FLRT2: variants seen among roughly 807,000 people sequenced by gnomAD.
FLRT2 encodes leucine-rich repeat transmembrane protein FLRT2.
FLRT2 carries 15 observed loss-of-function variants against 40.0 expected under a neutral mutation model. The ratio of observed to expected loss-of-function variants is 0.38; its 90% CI spans 0.25 to 0.58. FLRT2 has a LOEUF of 0.58. FLRT2 is among the 20% of genes least tolerant of loss of function. The pLI, the probability that FLRT2 is intolerant of heterozygous loss-of-function variation, is 0.71. For missense variants in FLRT2, 726 were observed against 840.0 expected, an observed-to-expected ratio of 0.86 and a Z score of 1.68; for synonymous variants, 380 against 336.8, an observed-to-expected ratio of 1.13 and a Z score of -1.41.
Position 85,652,533 on chromosome 14 carries a change from T to A in FLRT2, c.*29036T>A, listed in dbSNP as rs570079535. 16 of 152,218 alleles carry A rather than the reference T, an allele frequency of 1.1e-4. No individual in the cohort carries two copies. The highest frequency in any genetic ancestry group is 3.6e-4 in the African/African-American group (15 of 41,558). 9.4% of individuals were successfully genotyped at this position (152,218 alleles called of 1,614,324 possible). On this transcript the variant is annotated 3_prime_UTR_variant, in exon 2 of 2. Coordinates refer to ENST00000330753, the MANE Select transcript of FLRT2 (RefSeq NM_013231.6). ...TCTGATTAAACAAACAAAAAACCCATCTTTATTTTTAGACTAAAAGCCTTT... is the reference window on the plus strand; with the variant it reads ...TCTGATTAAACAAACAAAAAACCCAACTTTATTTTTAGACTAAAAGCCTTT...
At chr14:85,595,927 G>A (rs561910420) in intron 1 of FLRT2, among the ~76,000 whole-genome samples, 269 of 152,264 alleles carry the variant, frequency 1.8e-3, no homozygotes, top group African/African-American at 6.1e-3. Flanking sequence ...AGAAGTGATC[G>A]TGTTTCTTTG....
intron 1 of FLRT2, among the ~76,000 whole-genome samples, chr14:85,573,444 A>G (rs1198090337): frequency 6.6e-6 from 1 of 152,178 alleles, no homozygotes; most frequent in Admixed American, 6.5e-5. Flanking sequence ...GATAAAATGA[A>G]GAAGCAGTTT....
At position 85,651,105 on chromosome 14, in the gene FLRT2, A is replaced by G. The variant is rs1031533755; in HGVS notation, c.*27608A>G. On this transcript the variant is annotated 3_prime_UTR_variant, in exon 2 of 2. Transcript: ENST00000330753. ...TATATGTAATTTTAAGTTAATATTC[A>G]GCTTTAAACTTTTCTAATTCAATTA... 1 of 152,148 alleles carries G rather than the reference A, an allele frequency of 6.6e-6. No individual in the cohort carries two copies. The highest frequency in any genetic ancestry group is 6.6e-5 in the Admixed American group (1 of 15,252). 9.4% of individuals were successfully genotyped at this position (152,148 alleles called of 1,614,324 possible).
rs115008745 is a variant in FLRT2, at chr14:85,539,511, T to C, written c.-377+8977T>C. On this transcript the variant is annotated intron_variant, in intron 1 of 1. Coordinates refer to ENST00000330753, the MANE Select transcript of FLRT2 (RefSeq NM_013231.6). ...TATGATGTACGTATTTGGCACTTTG[T>C]GGTGGGGAGTGAGAAATAAATGAGA... is the stretch of plus-strand genomic sequence containing the variant. 2.5e-3 allele frequency among the ~76,000 whole-genome samples: 383 copies of C among 152,232 alleles called. 1 individual carries two copies. Among genetic ancestry groups the C allele is most frequent in the African/African-American group, 8.9e-3 (371 of 41,550 alleles).
intron 1 of FLRT2, among the ~76,000 whole-genome samples, chr14:85,550,407 G>C (rs1021484116): frequency 2.6e-5 from 4 of 152,178 alleles, no homozygotes; most frequent in African/African-American, 9.6e-5. Flanking sequence ...GCAAAAAAAG[G>C]CAGATCAGGT....
chr14:85,581,366 T>C (rs1661366236), intron 1 of FLRT2, among the ~76,000 whole-genome samples: 1 of 152,210 alleles, frequency 6.6e-6, no homozygotes, highest in Admixed American at 6.5e-5. Flanking sequence ...GGATACCACT[T>C]ACCCCCAGAG....
Position 85,536,683 on chromosome 14 carries a change from G to T in FLRT2, c.-377+6149G>T, listed in dbSNP as rs183552777. Among the ~76,000 whole-genome samples, 209 of 151,626 alleles carry T rather than the reference G, an allele frequency of 1.4e-3. 1 individual carries two copies. Among genetic ancestry groups the T allele is most frequent in the African/African-American group, 4.6e-3 (188 of 41,312 alleles). On this transcript the variant is annotated intron_variant, in intron 1 of 1. Transcript: ENST00000330753. ...CATCAAAGTCTGAAGATGACGTCAG[G>T]GTGCTGGGGGTGAATCCCAACAGTT...
At chr14:85,531,059 C>A (rs1423898199) in intron 1 of FLRT2, 1 of 152,366 alleles carries the variant, frequency 6.6e-6, no homozygotes, top group Admixed American at 6.5e-5. Context: ...CCTTTTCCTT[C>A]CAGTTGGTGG....
chr14:85,554,540 G>C (rs984330941), intron 1 of FLRT2, among the ~76,000 whole-genome samples: 1 of 152,098 alleles, frequency 6.6e-6, no homozygotes, highest in Non-Finnish European at 1.5e-5. Flanking sequence ...TTCCTGAATC[G>C]AAACCTCACA....
chr14:85,558,448 G>A (rs1186310016), intron 1 of FLRT2, among the ~76,000 whole-genome samples: 2 of 152,126 alleles, frequency 1.3e-5, no homozygotes, highest in Non-Finnish European at 2.9e-5. Context: ...GAGAAGTAAA[G>A]GCATGTTCCT....
Position 85,588,751 on chromosome 14 carries a change from T to A in FLRT2, c.-376-32388T>A, listed in dbSNP as rs185312589. Among the ~76,000 whole-genome samples the A allele has an allele frequency of 4.4e-3, 672 of 152,256 alleles. 1 individual carries two copies. Among genetic ancestry groups the A allele is most frequent in the Non-Finnish European group, 7.8e-3 (533 of 68,022 alleles). On this transcript the variant is annotated intron_variant, in intron 1 of 1. Transcript: ENST00000330753. ...TTTCTACCCATTAACGATACTTACT[T>A]TTCCCCCACCCCAGCCCCTCAGTAC...
rs10141266 is a variant in FLRT2, at chr14:85,621,712, T to C, written c.198T>C (p.Thr66=). The C allele has an allele frequency of 1, 1,612,909 of 1,614,134 alleles. 805,857 individuals carry two copies. Among genetic ancestry groups the C allele is most frequent in the Non-Finnish European group, 1 (1,180,015 of 1,180,034 alleles). ...CTCTTGGGATCCCGGAGGGCGTAAC[T>C]GTACTCTACCTCCACAACAACCAAA... ...SVPLGIPEGV[T]VLYLHNNQIN... is the part of the protein sequence containing the mutation. The change falls in exon 2 of 2, where the codon ACT becomes ACC. Residue 66 remains threonine (T), a synonymous_variant. Transcript: ENST00000330753.
At chr14:85,616,049 T>C (rs1893116150) in intron 1 of FLRT2, among the ~76,000 whole-genome samples, 1 of 152,038 alleles carries the variant, frequency 6.6e-6, no homozygotes, top group Non-Finnish European at 1.5e-5. Flanking sequence ...ATGAAAAGAG[T>C]TAAATTACAA....
At chr14:85,574,415 T>C (rs1439410247) in intron 1 of FLRT2, among the ~76,000 whole-genome samples, 1 of 152,162 alleles carries the variant, frequency 6.6e-6, no homozygotes, top group Non-Finnish European at 1.5e-5. Context: ...CTTCATGCCA[T>C]AGAGCCAGGA....
chr14:85,563,807 CA>C (rs1196066668), intron 1 of FLRT2, among the ~76,000 whole-genome samples: 2 of 151,946 alleles, frequency 1.3e-5, no homozygotes, highest in African/African-American at 4.8e-5. Flanking sequence ...AACAGACAAA[CA>C]AAAAAATAGA....
At chr14:85,585,793 C>T (rs1196673405) in intron 1 of FLRT2, among the ~76,000 whole-genome samples, 1 of 152,024 alleles carries the variant, frequency 6.6e-6, no homozygotes, top group Non-Finnish European at 1.5e-5. Context: ...GCCCTTGCGG[C>T]ACCTGCCATG....
rs145007843 is a variant in FLRT2 at position 85,643,291 on chromosome 14, T to TTTTCTTTCTTTC, written c.*19849_*19860dup. 4 of 118,844 alleles carry TTTTCTTTCTTTC rather than the reference T, an allele frequency of 3.4e-5. No homozygotes were observed. The highest frequency in any genetic ancestry group is 1.4e-4 in the African/African-American group (4 of 29,254). The allele number at this position is 118,844 out of a possible 1,614,324, so 7.4% of individuals were successfully genotyped here. On this transcript the variant is annotated 3_prime_UTR_variant, in exon 2 of 2. Transcript: ENST00000330753. Reference sequence around the variant, plus strand: ...AGAGAGTTCAGAGGGTATTTCTTTTTTTTCTTTCTTTCTTTCTTTCTTTCT... The same window carrying TTTTCTTTCTTTC: ...AGAGAGTTCAGAGGGTATTTCTTTTTTTTCTTTCTTTCTTTCTTTCTTTCTTTCTTTCTTTCT...
In FLRT2 at chr14:85,639,854, T is replaced by A. The variant is rs1411453746; in HGVS notation, c.*16357T>A. 3 of 142,610 alleles carry A rather than the reference T, an allele frequency of 2.1e-5. No individual in the cohort carries two copies. Among genetic ancestry groups the A allele is most frequent in the Admixed American group, 7.0e-5 (1 of 14,214 alleles). 8.8% of individuals were successfully genotyped at this position (142,610 alleles called of 1,614,324 possible). A position where few individuals can be genotyped will look rare whatever the true frequency, so the allele number is the denominator to read the frequency against. ...ATTCTTTATTTTTTTTTTTTTCCTT[T>A]TTTTTTTTTTTTGAGACAGTGTCTC... is the stretch of plus-strand genomic sequence containing the variant. On this transcript the variant is annotated 3_prime_UTR_variant, in exon 2 of 2. Coordinates refer to ENST00000330753, the MANE Select transcript of FLRT2 (RefSeq NM_013231.6).
At chr14:85,614,021 A>T (rs1412002359) in intron 1 of FLRT2, among the ~76,000 whole-genome samples, 1 of 152,206 alleles carries the variant, frequency 6.6e-6, no homozygotes, top group African/African-American at 2.4e-5. Context: ...TTTAAAGCTA[A>T]TCTTAGGAAT....
Sources: gnomAD v4.1 joint callset for allele counts (sites outside exome capture counted in the v4.1 genomes callset) on GRCh38, gnomAD v4.1.1 for gene constraint, MANE v1.5 for transcripts, NCBI Gene and HGNC (gene_info 2026-07-23, HGNC 2026-07-21) for gene names.